Variants in EMCN observed in about 807,000 individuals in gnomAD.
EMCN encodes endomucin.
A neutral mutation model predicts 38.4 loss-of-function variants in EMCN; 37 were observed. The ratio of observed to expected loss-of-function variants is 0.96; its 90% CI spans 0.74 to 1.27. EMCN has a LOEUF of 1.27. Among genes scored for constraint, EMCN ranks in the 50% most tolerant of loss-of-function variants. The pLI is 0.00. For missense variants in EMCN, 318 were observed against 302.8 expected (o/e 1.05, Z -0.37); for synonymous variants, 95 against 100.8 (o/e 0.94, Z 0.35).
chr4:100,480,300 T>A (rs1728772084), intron 1 of EMCN, among the ~76,000 whole-genome samples: 1 of 152,042 alleles, frequency 6.6e-6, no homozygotes, highest in Non-Finnish European at 1.5e-5. Context: ...GAGGAATAAA[T>A]GTATAAATCT....
At chr4:100,517,376 G>A (rs973591085) in intron 1 of EMCN, among the ~76,000 whole-genome samples, 28 of 151,980 alleles carry the variant, frequency 1.8e-4, no homozygotes, top group African/African-American at 6.3e-4. Context: ...ACTTCCCTAG[G>A]CAGCTTTACT....
At position 100,515,033 on chromosome 4, in the gene EMCN, T is replaced by C. The variant is rs190517558; in HGVS notation, c.64+2818A>G. Among the ~76,000 whole-genome samples, 111 of 152,238 alleles carry C rather than the reference T, an allele frequency of 7.3e-4. 1 individual carries two copies. The highest frequency in any genetic ancestry group is 2.5e-3 in the African/African-American group (104 of 41,568). The stretch of plus-strand genomic sequence containing the variant: ...TGTTTAATCTTTCTTTTTCATGAAA[T>C]TGAATGTTCAATCACTAACAAAGGA... On this transcript the variant is annotated intron_variant, in intron 1 of 11. Coordinates refer to ENST00000296420, the MANE Select transcript of EMCN (RefSeq NM_016242.4).
chr4:100,478,850 A>G (rs1728730629), intron 2 of EMCN, among the ~76,000 whole-genome samples: 2 of 152,090 alleles, frequency 1.3e-5, no homozygotes, highest in Non-Finnish European at 2.9e-5. Flanking sequence ...AAGTGTCCCA[A>G]AAAAGGAGTG....
intron 3 of EMCN, among the ~76,000 whole-genome samples, chr4:100,468,685 C>T (rs1433329567): frequency 1.3e-5 from 2 of 151,700 alleles, no homozygotes; most frequent in Non-Finnish European, 2.9e-5. Context: ...TAAATTTAAT[C>T]AAGGAAATGA....
chr4:100,410,861 T>A (rs1403374733), intron 10 of EMCN, among the ~76,000 whole-genome samples: 1 of 152,142 alleles, frequency 6.6e-6, no homozygotes, highest in African/African-American at 2.4e-5. Flanking sequence ...TTACTCAAAA[T>A]CCCAGTGCTA....
chr4:100,428,738 A>T (rs1220175701), intron 5 of EMCN, among the ~76,000 whole-genome samples: 1 of 152,154 alleles, frequency 6.6e-6, no homozygotes, highest in East Asian at 1.9e-4. Flanking sequence ...TAAAATCGTG[A>T]TATTATTATT....
At chr4:100,467,597 G>C (rs1391641138) in intron 3 of EMCN, among the ~76,000 whole-genome samples, 1 of 149,264 alleles carries the variant, frequency 6.7e-6, no homozygotes, top group Non-Finnish European at 1.5e-5. Context: ...CAGGAGAATG[G>C]CATGAACCCA....
chr4:100,421,136 GC>G lies in EMCN; in HGVS notation c.664+145del. The G allele has an allele frequency of 5.5e-6, 4 of 729,918 alleles. No individual in the cohort carries two copies. The South Asian group carries it at 6.6e-5, about 12-fold the overall frequency. The allele number at this position is 729,918 out of a possible 1,614,324, so 45.2% of individuals were successfully genotyped here. A position where few individuals can be genotyped will look rare whatever the true frequency, so the allele number is the denominator to read the frequency against. ...TCACTAGCATTCAGTGGGTGTCTGT[GC>G]CCTTCGTCCTTTGTTTCTGTGATCA... On this transcript the variant is annotated intron_variant, in intron 8 of 11. Transcript: ENST00000296420.
At chr4:100,443,968 T>A (rs964243420) in intron 5 of EMCN, among the ~76,000 whole-genome samples, 2 of 152,170 alleles carry the variant, frequency 1.3e-5, no homozygotes, top group Non-Finnish European at 2.9e-5. Flanking sequence ...AGGTACTATG[T>A]AGTGGTGACT....
At chr4:100,516,500 G>T (rs767950166) in intron 1 of EMCN, among the ~76,000 whole-genome samples, 1 of 151,970 alleles carries the variant, frequency 6.6e-6, no homozygotes, top group African/African-American at 2.4e-5. Context: ...TCCCCAAGCA[G>T]ACCGAAGTTA....
chr4:100,503,144 T>C (rs1241998708), intron 1 of EMCN, among the ~76,000 whole-genome samples: 1 of 152,066 alleles, frequency 6.6e-6, no homozygotes, highest in Admixed American at 6.5e-5. Flanking sequence ...TTAAATAAAA[T>C]AAAATTTTGT....
Position 100,398,159 on chromosome 4 carries a change from C to T in EMCN, c.*254G>A, listed in dbSNP as rs375299601. The T allele has an allele frequency of 6.6e-6, 1 of 152,086 alleles. No individual in the cohort carries two copies. The highest frequency in any genetic ancestry group is 2.4e-5 in the African/African-American group (1 of 41,428). The allele number at this position is 152,086 out of a possible 1,614,324, so 9.4% of individuals were successfully genotyped here. On this transcript the variant is annotated 3_prime_UTR_variant, in exon 12 of 12. Transcript: ENST00000296420. Reference sequence around the variant, plus strand: ...CTCCTAAAATTCCTTTTCCTAGGAACGCTCCTGTAAATGGAGTAATGGAAT... The same window carrying T: ...CTCCTAAAATTCCTTTTCCTAGGAATGCTCCTGTAAATGGAGTAATGGAAT...
chr4:100,468,163 A>C (rs1354928722), intron 3 of EMCN, among the ~76,000 whole-genome samples: 1 of 152,184 alleles, frequency 6.6e-6, no homozygotes, highest in Non-Finnish European at 1.5e-5. Flanking sequence ...GAGATGCTTG[A>C]GGGAGTCGTA....
intron 1 of EMCN, among the ~76,000 whole-genome samples, chr4:100,495,877 A>T (rs2110296081): frequency 6.6e-6 from 1 of 152,248 alleles, no homozygotes; most frequent in South Asian, 2.1e-4. Context: ...GAATAGCTAG[A>T]ATCATCAAAA....
intron 1 of EMCN, among the ~76,000 whole-genome samples, chr4:100,490,247 T>C (rs994272854): frequency 1.3e-5 from 2 of 151,992 alleles, no homozygotes; most frequent in African/African-American, 4.8e-5. Flanking sequence ...ACTATTTTTG[T>C]ACAGCTGTGC....
At chr4:100,421,054 A>G (rs778739727) in intron 8 of EMCN, among the ~76,000 whole-genome samples, 8 of 152,046 alleles carry the variant, frequency 5.3e-5, no homozygotes, top group Non-Finnish European at 1.0e-4. Flanking sequence ...TTTATTAAAA[A>G]GAATTTCCCT....
chr4:100,481,404 T>C (rs975361486), intron 1 of EMCN, among the ~76,000 whole-genome samples: 1 of 152,110 alleles, frequency 6.6e-6, no homozygotes, highest in Non-Finnish European at 1.5e-5. Context: ...GCACTGACTC[T>C]TTATAGATAG....
Position 100,397,247 on chromosome 4 carries a change from A to C in EMCN, c.*1166T>G, listed in dbSNP as rs1726143759. 6.6e-6 allele frequency: 1 copy of C among 152,178 alleles called. No homozygotes were observed. Among genetic ancestry groups the C allele is most frequent in the African/African-American group, 2.4e-5 (1 of 41,454 alleles). The allele number at this position is 152,178 out of a possible 1,614,324, so 9.4% of individuals were successfully genotyped here. ...ACAAAGCTGCCACCAGCAGCTTATT[A>C]GTTCTAAAGCTTTCCAAAAAACCTC... On this transcript the variant is annotated 3_prime_UTR_variant, in exon 12 of 12. Coordinates refer to ENST00000296420, the MANE Select transcript of EMCN (RefSeq NM_016242.4).
At chr4:100,423,442 A>G in intron 5 of EMCN, 38 bp from the exon 6 acceptor site, 1 of 1,418,018 alleles carries the variant, frequency 7.1e-7, no homozygotes, top group South Asian at 1.2e-5. Flanking sequence ...AGGCTATGGT[A>G]TTAAGCCTTC....
Sources: gnomAD v4.1 joint callset for allele counts (sites outside exome capture counted in the v4.1 genomes callset) on GRCh38, gnomAD v4.1.1 for gene constraint, MANE v1.5 for transcripts, NCBI Gene and HGNC (gene_info 2026-07-23, HGNC 2026-07-21) for gene names.